PAN3: variants seen among roughly 807,000 people sequenced by gnomAD.
PAN3 encodes the protein PAN2-PAN3 deadenylation complex subunit PAN3.
PAN3 carries 19 observed loss-of-function variants against 96.2 expected under a neutral mutation model. The observed-to-expected ratio is 0.20, with a 90% confidence interval of 0.14 to 0.29. PAN3 has a LOEUF of 0.29. PAN3 is among the 10% of genes least tolerant of loss of function. The probability of loss-of-function intolerance (pLI) is 1.00; values close to 1 mark genes in which losing one functional copy is unlikely to be tolerated. For missense variants in PAN3, 882 were observed against 1,108.1 expected, an observed-to-expected ratio of 0.80 and a Z score of 2.90; for synonymous variants, 433 against 406.6, an observed-to-expected ratio of 1.06 and a Z score of -0.78.
intron 6 of PAN3, among the ~76,000 whole-genome samples, chr13:28,231,569 T>G (rs1342409518): frequency 1.3e-5 from 2 of 152,310 alleles, no homozygotes; most frequent in South Asian, 4.1e-4. Flanking sequence ...TCAGCCAAAA[T>G]GAAGTAGGAT....
intron 1 of PAN3, among the ~76,000 whole-genome samples, chr13:28,161,206 G>A (rs528862059): frequency 1.3e-5 from 2 of 151,994 alleles, no homozygotes; most frequent in African/African-American, 2.4e-5. Context: ...CGGGGGCGGG[G>A]AGCTTACACA....
chr13:28,291,130 TTATA>T, intron 18 of PAN3, among the ~76,000 whole-genome samples: 1 of 152,158 alleles, frequency 6.6e-6, no homozygotes. Context: ...GCCAGATTGA[TTATA>T]CAAAATTAAG....
chr13:28,262,518 AACTT>A (rs1885825550), intron 9 of PAN3, among the ~76,000 whole-genome samples: 1 of 152,224 alleles, frequency 6.6e-6, no homozygotes, highest in Non-Finnish European at 1.5e-5. Flanking sequence ...GGTGGGAAGG[AACTT>A]ACTTGTCATA....
intron 6 of PAN3, among the ~76,000 whole-genome samples, chr13:28,246,435 G>A (rs1884195751): frequency 6.6e-6 from 1 of 152,022 alleles, no homozygotes; most frequent in Non-Finnish European, 1.5e-5. Flanking sequence ...TTTGTGTTGG[G>A]AATATTTCAC....
Position 28,234,590 on chromosome 13 carries a change from G to A in PAN3, c.1000+14212G>A, listed in dbSNP as rs146293194. Among the ~76,000 whole-genome samples the A allele has an allele frequency of 6.9e-3, 1,045 of 152,228 alleles. 11 individuals are homozygous for A. The highest frequency in any genetic ancestry group is 0.024 in the African/African-American group (1,010 of 41,552). ...AAAATCTCTTAATTGCCTTAGGAAA[G>A]TATGTCCTAACTTGTCTTCATACCT... On this transcript the variant is annotated intron_variant, in intron 6 of 18. Coordinates refer to ENST00000380958, the MANE Select transcript of PAN3 (RefSeq NM_175854.8).
intron 1 of PAN3, among the ~76,000 whole-genome samples, chr13:28,161,917 A>T (rs983978148): frequency 6.6e-6 from 1 of 152,182 alleles, no homozygotes; most frequent in Non-Finnish European, 1.5e-5. Context: ...TTTATAACAG[A>T]TGTGTAAAAT....
At chr13:28,171,938 A>G (rs189075077) in intron 1 of PAN3, among the ~76,000 whole-genome samples, 4 of 152,256 alleles carry the variant, frequency 2.6e-5, no homozygotes, top group Admixed American at 6.5e-5. Context: ...CGCTACTCCT[A>G]TCACCCTGGA....
intron 1 of PAN3, among the ~76,000 whole-genome samples, chr13:28,140,871 A>T (rs930048940): frequency 6.6e-6 from 1 of 152,162 alleles, no homozygotes; most frequent in Non-Finnish European, 1.5e-5. Flanking sequence ...GTGGAATTTT[A>T]TCACTTTCGA....
intron 5 of PAN3, among the ~76,000 whole-genome samples, chr13:28,216,150 C>T (rs775285041): frequency 1.3e-5 from 2 of 148,160 alleles, no homozygotes; most frequent in Non-Finnish European, 3.0e-5. Flanking sequence ...ACAACTTGAC[C>T]GAAATTCTGT....
chr13:28,173,003 G>A (rs1383261273), intron 1 of PAN3, among the ~76,000 whole-genome samples: 1 of 152,196 alleles, frequency 6.6e-6, no homozygotes, highest in Non-Finnish European at 1.5e-5. Context: ...GATTTTTAAA[G>A]GTAAAATGGG....
intron 15 of PAN3, among the ~76,000 whole-genome samples, chr13:28,279,403 C>A (rs575947047): frequency 6.6e-6 from 1 of 152,224 alleles, no homozygotes; most frequent in African/African-American, 2.4e-5. Context: ...TGCAAAACAA[C>A]AGGAAAAGCT....
intron 6 of PAN3, among the ~76,000 whole-genome samples, chr13:28,226,044 CT>C (rs1881971507): frequency 6.6e-6 from 1 of 152,148 alleles, no homozygotes; most frequent in African/African-American, 2.4e-5. Context: ...ACAGGAAACT[CT>C]TTGGAAACTG....
chr13:28,244,958 C>T (rs547049359), intron 6 of PAN3, among the ~76,000 whole-genome samples: 1 of 152,260 alleles, frequency 6.6e-6, no homozygotes, highest in South Asian at 2.1e-4. Context: ...TAGCAATTCT[C>T]CTGCCTCAGC....
At chr13:28,287,905 G>A (rs1593642460) in intron 17 of PAN3, 79 bp from the exon 18 acceptor site, 1 of 1,386,622 alleles carries the variant, frequency 7.2e-7, no homozygotes, top group East Asian at 2.5e-5. Flanking sequence ...AGTAAAACTA[G>A]TTTGGAGTCT....
chr13:28,292,452 A>G lies in PAN3; in HGVS notation c.2594A>G (p.Tyr865Cys). The G allele has an allele frequency of 6.2e-7, 1 of 1,612,858 alleles. No individual in the cohort carries two copies. The highest frequency in any genetic ancestry group is 8.5e-7 in the Non-Finnish European group (1 of 1,179,612). The change falls in exon 19 of 19, where the codon TAC becomes TGC. Residue 865 changes from tyrosine (Y) to cysteine (C), a missense_variant. Transcript: ENST00000380958. ...RDEKSVLVVTYSDLKRCFENT... is the reference protein window; with the variant it reads ...RDEKSVLVVTCSDLKRCFENT... ...GAGAAGAGTGTACTTGTGGTGACCT[A>G]CAGTGACTTAAAGCGCTGCTTTGAA...
At chr13:28,194,937 G>A (rs1024425129) in intron 4 of PAN3, among the ~76,000 whole-genome samples, 6 of 151,880 alleles carry the variant, frequency 4.0e-5, no homozygotes, top group South Asian at 2.1e-4. Context: ...CACTTATAAC[G>A]TGGTTCCATG....
rs779143783 is a variant in PAN3, at chr13:28,256,545, T to C, written c.1248+6T>C. Reference sequence around the variant, plus strand: ...CAGCACCTTTGACTGGAATGGTATGTCTACATTAAAGAGGAAATTTTAGTA... The same window carrying C: ...CAGCACCTTTGACTGGAATGGTATGCCTACATTAAAGAGGAAATTTTAGTA... On this transcript the variant is annotated splice_donor_region_variant and intron_variant, in intron 7 of 18. Transcript: ENST00000380958. 20 of 1,607,740 alleles carry C rather than the reference T, an allele frequency of 1.2e-5. No homozygotes were observed. In the Admixed American group the frequency reaches 2.9e-4, roughly 23 times the overall value.
chr13:28,260,723 A>G (rs41307591), intron 8 of PAN3, among the ~76,000 whole-genome samples, 172 bp downstream of exon 8: 15,821 of 152,192 alleles, frequency 0.1, 1,006 homozygotes, highest in Middle Eastern at 0.17. Context: ...CTGTCTTTTA[A>G]AAAAATTTCA....
At chr13:28,255,978 C>T (rs1453693031) in intron 6 of PAN3, among the ~76,000 whole-genome samples, 1 of 151,962 alleles carries the variant, frequency 6.6e-6, no homozygotes, top group Non-Finnish European at 1.5e-5. Flanking sequence ...TCCCACTCTT[C>T]CATTAATTTA....
Sources: allele counts gnomAD v4.1 joint callset (sites outside exome capture counted in the v4.1 genomes callset), GRCh38; gene constraint gnomAD v4.1.1; transcripts MANE v1.5; gene names NCBI Gene and HGNC (gene_info 2026-07-23, HGNC 2026-07-21).